SMOC2: variants seen among roughly 807,000 people sequenced by gnomAD.
SMOC2 encodes SPARC-related modular calcium-binding protein 2.
In SMOC2, 39 loss-of-function variants were observed where a neutral mutation model predicts 61.4. The observed-to-expected ratio is 0.64, with a 90% CI of 0.49 to 0.83. The LOEUF is 0.83. Among genes scored for constraint, SMOC2 ranks in the 40% least tolerant of loss-of-function variants. SMOC2 has a pLI of 0.00. For synonymous variants in SMOC2, 247 were observed against 239.9 expected, an observed-to-expected ratio of 1.03 and a Z score of -0.27; for missense variants, 556 against 592.9, an observed-to-expected ratio of 0.94 and a Z score of 0.65.
chr6:168,577,431 C>T (rs1167661014), intron 7 of SMOC2, among the ~76,000 whole-genome samples: 1 of 152,188 alleles, frequency 6.6e-6, no homozygotes, highest in Admixed American at 6.5e-5. Context: ...GGTTCTTTTT[C>T]CTTGACCCAG....
chr6:168,625,956 A>T (rs1466940764), intron 9 of SMOC2, among the ~76,000 whole-genome samples: 4 of 152,210 alleles, frequency 2.6e-5, no homozygotes, highest in Non-Finnish European at 4.4e-5. Flanking sequence ...TGTTGGACCC[A>T]GGAGTGAAGG....
chr6:168,488,027 C>T (rs573743094), intron 1 of SMOC2, among the ~76,000 whole-genome samples: 65 of 152,228 alleles, frequency 4.3e-4, no homozygotes, highest in Middle Eastern at 3.4e-3. Flanking sequence ...CTTTTCTCTC[C>T]GGTTATAGAG....
At chr6:168,636,956 TTCCTCCC>T (rs1465428858) in intron 9 of SMOC2, among the ~76,000 whole-genome samples, 1 of 105,344 alleles carries the variant, frequency 9.5e-6, no homozygotes, top group East Asian at 3.2e-4. Context: ...TCCCTCCTCT[TTCCTCCC>T]TCCTCCCTCC....
At position 168,535,376 on chromosome 6, in the gene SMOC2, C is replaced by T. The variant is rs974108458; in HGVS notation, c.463+7649C>T. ...CAGCACCTTTTTTCACTATATGCAG[C>T]TACAACAGTTAAATGTTGCAAAGAT... On this transcript the variant is annotated intron_variant, in intron 4 of 12. Coordinates refer to ENST00000356284, the MANE Select transcript of SMOC2 (RefSeq NM_001166412.2). This position sits in a 1 kb window ranked among gnomAD's most constrained non-coding sequence, Gnocchi z 4.6. 3.3e-5 allele frequency among the ~76,000 whole-genome samples: 5 copies of T among 152,172 alleles called. No homozygotes were observed. Among genetic ancestry groups the T allele is most frequent in the Admixed American group, 3.3e-4 (5 of 15,278 alleles).
chr6:168,520,633 A>G (rs1040117222), intron 2 of SMOC2, among the ~76,000 whole-genome samples: 7 of 152,208 alleles, frequency 4.6e-5, no homozygotes, highest in African/African-American at 1.7e-4. Context: ...TAAATGAGAC[A>G]CCACAGTCAT....
chr6:168,599,193 A>G lies in SMOC2; in HGVS notation c.824+189A>G, dbSNP rs370274026. Among the ~76,000 whole-genome samples the G allele has an allele frequency of 2.3e-3, 317 of 139,870 alleles. 2 individuals carry two copies. Among genetic ancestry groups the G allele is most frequent in the African/African-American group, 5.7e-3 (206 of 36,080 alleles). The allele number at this position is 139,870 out of a possible 152,430, so 91.8% of individuals were successfully genotyped here. Reference sequence around the variant, plus strand: ...CTCTCACACACACCCACACACACTCATACCACACACACACTCATACCCACA... The same window carrying G: ...CTCTCACACACACCCACACACACTCGTACCACACACACACTCATACCCACA... On this transcript the variant is annotated intron_variant, in intron 8 of 12. Coordinates refer to ENST00000356284, the MANE Select transcript of SMOC2 (RefSeq NM_001166412.2).
In SMOC2 at chr6:168,618,174, C is replaced by T. The variant is rs192695256; in HGVS notation, c.907+9935C>T. Among the ~76,000 whole-genome samples, 337 of 152,362 alleles carry T rather than the reference C, an allele frequency of 2.2e-3. 1 individual carries two copies. The highest frequency in any genetic ancestry group is 4.2e-3 in the Non-Finnish European group (288 of 68,036). ...TCGGTTTATTGCTGTGCTATCACCACGATGAAATAATTAATTTTTAAACGC... is the reference window on the plus strand; with the variant it reads ...TCGGTTTATTGCTGTGCTATCACCATGATGAAATAATTAATTTTTAAACGC... On this transcript the variant is annotated intron_variant, in intron 9 of 12. Transcript: ENST00000356284.
At chr6:168,478,857 C>A (rs1782145944) in intron 1 of SMOC2, among the ~76,000 whole-genome samples, 1 of 151,736 alleles carries the variant, frequency 6.6e-6, no homozygotes, top group South Asian at 2.1e-4. Context: ...TTTACAGACC[C>A]TGTCTCGGGG....
chr6:168,603,491 C>T (rs1055675341), intron 8 of SMOC2, among the ~76,000 whole-genome samples: 1 of 151,994 alleles, frequency 6.6e-6, no homozygotes, highest in Non-Finnish European at 1.5e-5. Flanking sequence ...TCCTGAAAAA[C>T]ACTCACATTT....
At chr6:168,620,543 T>G (rs1246234232) in intron 9 of SMOC2, among the ~76,000 whole-genome samples, 1 of 152,136 alleles carries the variant, frequency 6.6e-6, no homozygotes, top group Non-Finnish European at 1.5e-5. Context: ...ATAGGAAAAT[T>G]TTCCCTATGT....
intron 8 of SMOC2, among the ~76,000 whole-genome samples, chr6:168,599,594 CAT>C (rs1785468465): frequency 7.4e-6 from 1 of 134,978 alleles, no homozygotes; most frequent in African/African-American, 3.0e-5. Flanking sequence ...CACACCCACA[CAT>C]ACCCCCACAC....
At chr6:168,515,359 C>G (rs1037819207) in intron 2 of SMOC2, among the ~76,000 whole-genome samples, 1 of 152,178 alleles carries the variant, frequency 6.6e-6, no homozygotes, top group Non-Finnish European at 1.5e-5. Flanking sequence ...AGAGACTGTT[C>G]CCCGCGCATC....
intron 9 of SMOC2, among the ~76,000 whole-genome samples, chr6:168,642,165 G>A (rs1427777616): frequency 2.0e-5 from 3 of 152,176 alleles, no homozygotes; most frequent in Admixed American, 1.3e-4. Context: ...TAAGGCAACC[G>A]CCCAAGCCGG....
intron 1 of SMOC2, among the ~76,000 whole-genome samples, chr6:168,487,146 C>T (rs781236658): frequency 3.9e-5 from 6 of 152,330 alleles, no homozygotes; most frequent in East Asian, 1.9e-4. Flanking sequence ...GCTGGTTGCT[C>T]GGAAACCTTG....
chr6:168,578,228 G>A (rs561393518), intron 7 of SMOC2, among the ~76,000 whole-genome samples: 3 of 152,354 alleles, frequency 2.0e-5, no homozygotes, highest in South Asian at 4.1e-4. Flanking sequence ...CGTCTGTGAA[G>A]TGGGGGCAAT....
At chr6:168,627,998 G>T (rs1326482476) in intron 9 of SMOC2, among the ~76,000 whole-genome samples, 3 of 152,054 alleles carry the variant, frequency 2.0e-5, no homozygotes, top group East Asian at 3.9e-4. Flanking sequence ...GTGACTGCCC[G>T]TTGAACCCTG....
At chr6:168,442,396 C>G (rs1781233934) in intron 1 of SMOC2, among the ~76,000 whole-genome samples, 1 of 152,258 alleles carries the variant, frequency 6.6e-6, no homozygotes, top group African/African-American at 2.4e-5. Context: ...CAAGCCAACC[C>G]GCGGCGGCCG....
chr6:168,494,730 G>T (rs1782547211), intron 1 of SMOC2, among the ~76,000 whole-genome samples: 1 of 152,178 alleles, frequency 6.6e-6, no homozygotes, highest in South Asian at 2.1e-4. Context: ...TTCCCAAAGG[G>T]CTGGGAGTGA....
chr6:168,566,719 T>C (rs902201368), intron 7 of SMOC2, among the ~76,000 whole-genome samples: 1 of 152,128 alleles, frequency 6.6e-6, no homozygotes, highest in African/African-American at 2.4e-5. Flanking sequence ...CAGGATGATC[T>C]TGATCTCTTG....
Sources: gnomAD v4.1 joint callset for allele counts (sites outside exome capture counted in the v4.1 genomes callset) on GRCh38, gnomAD v4.1.1 for gene constraint, Gnocchi (gnomAD v3.1) non-coding constraint, MANE v1.5 for transcripts, NCBI Gene and HGNC (gene_info 2026-07-23, HGNC 2026-07-21) for gene names.